The following CRADD variants were observed in gnomAD, a reference collection of about 807,000 sequenced individuals.
CRADD encodes the protein death domain-containing protein CRADD.
Under a neutral mutation model 15.5 loss-of-function variants are expected in CRADD, and 9 were observed. That is an observed-to-expected ratio of 0.58 (90% confidence interval 0.35 to 1.01). The LOEUF (loss-of-function observed/expected upper bound fraction) is 1.01. Among genes scored for constraint, CRADD ranks in the 50% least tolerant of loss-of-function variants. The pLI, the probability that CRADD is intolerant of heterozygous loss-of-function variation, is 0.02. For synonymous variants in CRADD, 118 were observed against 107.6 expected, an observed-to-expected ratio of 1.10 and a Z score of -0.60; for missense variants, 227 against 250.3, an observed-to-expected ratio of 0.91 and a Z score of 0.63.
chr12:93,703,472 C>T (rs992673860), intron 2 of CRADD, among the ~76,000 whole-genome samples: 2 of 151,790 alleles, frequency 1.3e-5, no homozygotes, highest in Non-Finnish European at 2.9e-5. Flanking sequence ...GCAACCCTCC[C>T]ACTTCAACCT....
At chr12:93,749,576 T>C (rs1176951000) in intron 2 of CRADD, among the ~76,000 whole-genome samples, 1 of 151,324 alleles carries the variant, frequency 6.6e-6, no homozygotes, top group Non-Finnish European at 1.5e-5. Context: ...ATAAATAATT[T>C]TAAGTCACTT....
At chr12:93,845,965 C>A (rs1593040160) in intron 2 of CRADD, among the ~76,000 whole-genome samples, 1 of 151,818 alleles carries the variant, frequency 6.6e-6, no homozygotes, top group East Asian at 1.9e-4. Flanking sequence ...CACCCCCTGG[C>A]AACCAGCATT....
Position 93,734,173 on chromosome 12 carries a change from GTCCATCCA to G in CRADD, c.298+55113_298+55120del, listed in dbSNP as rs896401744. ...ATCTGTCCATCCATCCCATCCATCC[GTCCATCCA>G]TCCATCCATCCGTCCATCCATCTTC... On this transcript the variant is annotated intron_variant, in intron 2 of 2. Coordinates refer to ENST00000332896, the MANE Select transcript of CRADD (RefSeq NM_003805.5). Among the ~76,000 whole-genome samples the G allele has an allele frequency of 2.0e-5, 3 of 150,822 alleles. No homozygotes were observed. In the South Asian group the frequency reaches 6.3e-4, roughly 32 times the overall value.
intron 2 of CRADD, among the ~76,000 whole-genome samples, chr12:93,845,081 A>G (rs974487553): frequency 6.6e-6 from 1 of 152,190 alleles, no homozygotes; most frequent in Admixed American, 6.5e-5. Flanking sequence ...AGACCATAGG[A>G]GTGAGTCTGC....
chr12:93,851,875 A>C (rs1347802976), downstream of CRADD, among the ~76,000 whole-genome samples: 1 of 152,222 alleles, frequency 6.6e-6, no homozygotes, highest in Non-Finnish European at 1.5e-5. Context: ...ATTGAGCACG[A>C]AGTGGGTACT....
At chr12:93,888,492 A>G (rs1242560592) in intron 2 of CRADD, among the ~76,000 whole-genome samples, 1 of 152,112 alleles carries the variant, frequency 6.6e-6, no homozygotes, top group African/African-American at 2.4e-5. Flanking sequence ...ACCATGTGAA[A>G]GCATTAGGGC....
intron 2 of CRADD, among the ~76,000 whole-genome samples, chr12:93,711,527 T>C (rs988761506): frequency 6.6e-6 from 1 of 152,186 alleles, no homozygotes; most frequent in Non-Finnish European, 1.5e-5. Context: ...CTTGCCTCTT[T>C]ACCTCTTCTC....
At chr12:93,875,110 C>T (rs547627096) in intron 2 of CRADD, among the ~76,000 whole-genome samples, 1 of 152,138 alleles carries the variant, frequency 6.6e-6, no homozygotes, top group South Asian at 2.1e-4. Flanking sequence ...GTGTTGAGTC[C>T]ATATATATTT....
chr12:93,749,234 C>T (rs1956803602), intron 2 of CRADD, among the ~76,000 whole-genome samples: 1 of 152,132 alleles, frequency 6.6e-6, no homozygotes, highest in Admixed American at 6.5e-5. Context: ...CCAGTAGCCT[C>T]CTAGCTAGAG....
Position 93,709,936 on chromosome 12 carries a change from A to G in CRADD, c.298+30864A>G, listed in dbSNP as rs534451829. On this transcript the variant is annotated intron_variant, in intron 2 of 2. Transcript: ENST00000332896. ...CTTGAAAAATATTCTGTACTATACC[A>G]TTTCTTTGTCTTTTCTCCTGCTCAT... Among the ~76,000 whole-genome samples the G allele has an allele frequency of 2.1e-4, 32 of 152,232 alleles. No homozygotes were observed. In the South Asian group the frequency reaches 6.0e-3, roughly 29 times the overall value.
At chr12:93,882,071 C>A (rs1958505909) in intron 2 of CRADD, among the ~76,000 whole-genome samples, 1 of 151,814 alleles carries the variant, frequency 6.6e-6, no homozygotes, top group South Asian at 2.1e-4. Context: ...TTGCAGTGAG[C>A]TGAAATCTCG....
rs139756403 is a variant in CRADD at position 93,679,266 on chromosome 12, C to T, written c.298+194C>T. Among the ~76,000 whole-genome samples the T allele has an allele frequency of 3.0e-3, 453 of 152,206 alleles. 3 individuals are homozygous for T. The highest frequency in any genetic ancestry group is 0.01 in the African/African-American group (421 of 41,532). On this transcript the variant is annotated intron_variant, in intron 2 of 2. Transcript: ENST00000332896. ...AAGCAATTCACTTGCTTCAGCCTCCCGAGTTGCTGGGAATACAGGCATTTG... is the reference window on the plus strand; with the variant it reads ...AAGCAATTCACTTGCTTCAGCCTCCTGAGTTGCTGGGAATACAGGCATTTG...
intron 2 of CRADD, among the ~76,000 whole-genome samples, chr12:93,739,058 T>TC (rs1438195268): frequency 6.6e-6 from 1 of 152,144 alleles, no homozygotes; most frequent in Non-Finnish European, 1.5e-5. Flanking sequence ...TTATTTTTTT[T>TC]CCCCTTCTCC....
chr12:93,822,792 T>C (rs1244273884), intron 2 of CRADD, among the ~76,000 whole-genome samples: 1 of 152,220 alleles, frequency 6.6e-6, no homozygotes, highest in African/African-American at 2.4e-5. Context: ...TAACACTCTG[T>C]AATGATTAAG....
chr12:93,873,217 G>A (rs2137067761), intron 2 of CRADD, among the ~76,000 whole-genome samples: 1 of 146,776 alleles, frequency 6.8e-6, no homozygotes, highest in Non-Finnish European at 1.5e-5. Flanking sequence ...ATTGCTAACT[G>A]TTGGCATATA....
At chr12:93,726,094 G>GTTTTTTTTTT (rs1165429350) in intron 2 of CRADD, among the ~76,000 whole-genome samples, 1 of 96,010 alleles carries the variant, frequency 1.0e-5, no homozygotes, top group Non-Finnish European at 2.0e-5. Flanking sequence ...AAATAGTTTA[G>GTTTTTTTTTT]TTTTTTTTTT....
chr12:93,848,446 G>A (rs945679741), intron 2 of CRADD, among the ~76,000 whole-genome samples: 1 of 152,220 alleles, frequency 6.6e-6, no homozygotes, highest in African/African-American at 2.4e-5. Context: ...GTGGACTGAT[G>A]AGCATGAAGT....
At chr12:93,829,142 AT>A (rs1957859877) in intron 2 of CRADD, among the ~76,000 whole-genome samples, 1 of 147,474 alleles carries the variant, frequency 6.8e-6, no homozygotes, top group Admixed American at 6.7e-5. Flanking sequence ...TTTTTTTTCA[AT>A]GTCATTCCAG....
intron 2 of CRADD, among the ~76,000 whole-genome samples, chr12:93,723,376 A>G (rs1414380022): frequency 6.6e-6 from 1 of 152,174 alleles, no homozygotes; most frequent in Non-Finnish European, 1.5e-5. Flanking sequence ...CTGACCCTGC[A>G]TTCTGATGAA....
Sources: allele counts gnomAD v4.1 joint callset (sites outside exome capture counted in the v4.1 genomes callset), GRCh38; gene constraint gnomAD v4.1.1; transcripts MANE v1.5; gene names NCBI Gene and HGNC (gene_info 2026-07-23, HGNC 2026-07-21).